USP24: variants seen among roughly 807,000 people sequenced by gnomAD.
USP24 encodes ubiquitin carboxyl-terminal hydrolase 24.
Under a neutral mutation model 361.6 loss-of-function variants are expected in USP24, and 97 were observed. The observed-to-expected ratio is 0.27, with a 90% CI of 0.23 to 0.32. The LOEUF (loss-of-function observed/expected upper bound fraction) is 0.32, where lower values mean the gene tolerates loss of function less well. Ranked by LOEUF, USP24 falls within the 10% of genes least tolerant of loss-of-function variation. The pLI, the probability that USP24 is intolerant of heterozygous loss-of-function variation, is 1.00. For synonymous variants in USP24, 1,098 were observed against 1,124.6 expected (o/e 0.98, Z 0.47); for missense variants, 2,353 against 3,165.6 (o/e 0.74, Z 6.16).
At chr1:55,166,510 A>AC in intron 6 of USP24, 58 bp downstream of exon 6, 1 of 1,468,386 alleles carries the variant, frequency 6.8e-7, no homozygotes, top group Non-Finnish European at 9.3e-7. Context: ...AAACTCTAGG[A>AC]CGTCTCATTA....
chr1:55,113,997 T>C (rs186486868), intron 38 of USP24, among the ~76,000 whole-genome samples: 2 of 152,300 alleles, frequency 1.3e-5, no homozygotes, highest in South Asian at 2.1e-4. Context: ...GACATGATTG[T>C]ATATTTAGAA....
At chr1:55,156,012 T>C (rs1376396525) in intron 12 of USP24, among the ~76,000 whole-genome samples, 1 of 152,184 alleles carries the variant, frequency 6.6e-6, no homozygotes, top group Non-Finnish European at 1.5e-5. Flanking sequence ...ATGAATTCCC[T>C]TTGCTTGATA....
At chr1:55,150,419 G>A (rs905243605) in intron 16 of USP24, among the ~76,000 whole-genome samples, 1 of 152,082 alleles carries the variant, frequency 6.6e-6, no homozygotes, top group Non-Finnish European at 1.5e-5. Context: ...ACAGAAATAA[G>A]GTATATATTA....
chr1:55,183,225 T>C (rs1310335753), intron 1 of USP24, among the ~76,000 whole-genome samples: 4 of 152,210 alleles, frequency 2.6e-5, no homozygotes, highest in African/African-American at 4.8e-5. Context: ...TTTTGATAAA[T>C]ATACTAAGGT....
chr1:55,201,600 CAAAAAAAAAA>C (rs56659823), intron 1 of USP24, among the ~76,000 whole-genome samples: 6 of 35,448 alleles, frequency 1.7e-4, no homozygotes, highest in African/African-American at 9.7e-4. Context: ...GACTCCATCT[CAAAAAAAAAA>C]AAAAAAAAAA....
At chr1:55,171,795 A>G in intron 4 of USP24, 117 bp from the exon 5 acceptor site, 1 of 1,156,016 alleles carries the variant, frequency 8.7e-7, no homozygotes, top group East Asian at 2.6e-5. Flanking sequence ...GGATCTTTCA[A>G]GAATACACCG....
intron 36 of USP24, among the ~76,000 whole-genome samples, chr1:55,121,886 A>G (rs1297256818): frequency 6.6e-6 from 1 of 152,248 alleles, no homozygotes; most frequent in Non-Finnish European, 1.5e-5. Flanking sequence ...TGATTTGAAA[A>G]TATCTCTAAG....
At chr1:55,152,542 T>C (rs1163810011) in intron 16 of USP24, among the ~76,000 whole-genome samples, 1 of 152,186 alleles carries the variant, frequency 6.6e-6, no homozygotes, top group Non-Finnish European at 1.5e-5. Context: ...GACACCCTTT[T>C]CCTCTTACTA....
chr1:55,123,437 T>G lies in USP24; in HGVS notation c.4276+10A>C. 6.4e-7 allele frequency: 1 copy of G among 1,571,564 alleles called. No individual in the cohort carries two copies. Among genetic ancestry groups the G allele is most frequent in the South Asian group, 1.2e-5 (1 of 82,718 alleles). ...GAAAGAGATTAATCACAAACAAGCC[T>G]CCAGCATACCCAGTTGCTGGCTCCG... On this transcript the variant is annotated intron_variant, in intron 36 of 67. Coordinates refer to ENST00000294383, the MANE Select transcript of USP24 (RefSeq NM_015306.3).
Position 55,120,578 on chromosome 1 carries a change from T to G in USP24, c.4508+18A>C. The G allele has an allele frequency of 6.5e-7, 1 of 1,536,884 alleles. No individual in the cohort carries two copies. Among genetic ancestry groups the G allele is most frequent in the Non-Finnish European group, 8.8e-7 (1 of 1,140,774 alleles). On this transcript the variant is annotated intron_variant, in intron 38 of 67. Transcript: ENST00000294383. ...CCTCTCTCTGTATAAGGTTAGCTTT[T>G]CCATTTTTATTACCTACCTCTGATT...
chr1:55,137,854 C>G lies in USP24; in HGVS notation c.2979G>C (p.Gln993His). The G allele has an allele frequency of 6.3e-7, 1 of 1,597,906 alleles. No individual in the cohort carries two copies. The highest frequency in any genetic ancestry group is 1.7e-5 in the Admixed American group (1 of 58,398). Residue 993 changes from glutamine (Q) to histidine (H), a missense_variant, in exon 27 of 68, where the codon CAG becomes CAC. This residue lies in a region of USP24 where 949 missense variants were observed against 1,280.5 expected (regional missense o/e 0.74). Transcript: ENST00000294383. Reference sequence around the variant, plus strand: ...GTATATTATCCACAGGAGAGCACAACTGCTTGGCTATTTTCCACCGGACAC... The same window carrying G: ...GTATATTATCCACAGGAGAGCACAAGTGCTTGGCTATTTTCCACCGGACAC... ...IGSVRWKIAK[Q>H]LCSPVDNIQI...
At chr1:55,156,219 G>A (rs1292452588) in intron 12 of USP24, among the ~76,000 whole-genome samples, 3 of 152,168 alleles carry the variant, frequency 2.0e-5, no homozygotes, top group African/African-American at 7.2e-5. Flanking sequence ...ATGGGAATGT[G>A]TGTTACATAT....
intron 16 of USP24, among the ~76,000 whole-genome samples, chr1:55,153,583 G>A (rs1488632411): frequency 6.6e-6 from 1 of 151,878 alleles, no homozygotes; most frequent in Non-Finnish European, 1.5e-5. Flanking sequence ...GCATACTTTA[G>A]ATTTAATTTT....
At chr1:55,120,193 C>T (rs1557590372) in intron 38 of USP24, among the ~76,000 whole-genome samples, 1 of 152,106 alleles carries the variant, frequency 6.6e-6, no homozygotes, top group Non-Finnish European at 1.5e-5. Context: ...TGTATAAAAC[C>T]AAGAAGGCAA....
chr1:55,173,722 C>T (rs1160028480), intron 3 of USP24, among the ~76,000 whole-genome samples: 1 of 152,202 alleles, frequency 6.6e-6, no homozygotes, highest in Non-Finnish European at 1.5e-5. Context: ...AGCCGCACTA[C>T]TTGCTCAAAT....
intron 1 of USP24, among the ~76,000 whole-genome samples, chr1:55,212,826 G>C (rs287235): frequency 0.68 from 104,012 of 152,024 alleles, 37,706 homozygotes; most frequent in East Asian, 0.9. Context: ...ACAGGTCTAG[G>C]AGAAATGAGG....
intron 1 of USP24, among the ~76,000 whole-genome samples, chr1:55,188,237 C>T (rs571622258): frequency 5.9e-5 from 9 of 152,008 alleles, no homozygotes; most frequent in African/African-American, 2.2e-4. Context: ...ATGAAATGAC[C>T]CCACCTCAAG....
chr1:55,151,224 G>A (rs1274948925), intron 16 of USP24, among the ~76,000 whole-genome samples: 1 of 152,186 alleles, frequency 6.6e-6, no homozygotes, highest in Non-Finnish European at 1.5e-5. Flanking sequence ...TCTTCTCAAA[G>A]TTGAACATCC....
At chr1:55,209,273 CTTTT>C (rs745474534) in intron 1 of USP24, among the ~76,000 whole-genome samples, 14 of 150,408 alleles carry the variant, frequency 9.3e-5, no homozygotes, top group Non-Finnish European at 1.6e-4. Flanking sequence ...CTTTTTTTTT[CTTTT>C]TAAAAGGAAA....
Sources: gnomAD v4.1 joint callset for allele counts (sites outside exome capture counted in the v4.1 genomes callset) on GRCh38, gnomAD v4.1.1 for gene constraint, gnomAD v4.1.1 regional missense constraint, MANE v1.5 for transcripts, NCBI Gene and HGNC (gene_info 2026-07-23, HGNC 2026-07-21) for gene names.